Variants in MCM7 observed in about 807,000 individuals in gnomAD.
MCM7 encodes DNA replication licensing factor MCM7.
MCM7 carries 95 observed loss-of-function variants against 83.5 expected under a neutral mutation model. The ratio of observed to expected loss-of-function variants is 1.14; its 90% CI spans 0.96 to 1.35. MCM7 has a LOEUF of 1.35. Ranked by LOEUF, MCM7 falls within the 40% of genes most tolerant of loss-of-function variation. The pLI, the probability that MCM7 is intolerant of heterozygous loss-of-function variation, is 0.00. For synonymous variants in MCM7, 461 were observed against 352.7 expected (o/e 1.31, Z -3.44); for missense variants, 1,087 against 957.4 (o/e 1.14, Z -1.79).
In MCM7 at chr7:100,099,420, A is replaced by T; in HGVS notation, c.277-17T>A. The T allele has an allele frequency of 1.2e-6, 1 of 804,374 alleles. No homozygotes were observed. The highest frequency in any genetic ancestry group is 1.8e-6 in the Non-Finnish European group (1 of 549,404). The allele number at this position is 804,374 out of a possible 1,614,324, so 49.8% of individuals were successfully genotyped here. On this transcript the variant is annotated splice_polypyrimidine_tract_variant and intron_variant, in intron 3 of 14. Coordinates refer to ENST00000303887, the MANE Select transcript of MCM7 (RefSeq NM_005916.5). ...ATTTACCACCTAAAGGAGAAGAACA[A>T]AAAAAAAAAAAAAAAAGAGCAACAG...
chr7:100,097,831 C>T lies in MCM7; in HGVS notation c.985+3G>A. The T allele has an allele frequency of 6.2e-7, 1 of 1,614,178 alleles. No individual in the cohort carries two copies. Among genetic ancestry groups the T allele is most frequent in the Non-Finnish European group, 8.5e-7 (1 of 1,180,004 alleles). ...AATTTCCTCTCTCTCCCCTGCCCCT[C>T]ACCTGCAATTTGCCTCAGCTCCTCC... On this transcript the variant is annotated splice_donor_region_variant and intron_variant, in intron 8 of 14. Coordinates refer to ENST00000303887, the MANE Select transcript of MCM7 (RefSeq NM_005916.5).
chr7:100,096,478 C>G (rs142829147), intron 10 of MCM7, among the ~76,000 whole-genome samples: 35 of 152,284 alleles, frequency 2.3e-4, no homozygotes, highest in Non-Finnish European at 3.7e-4. Context: ...ATTTTTAAAA[C>G]TTTTTAGTAG....
At chr7:100,094,139 A>G (rs991815793) in intron 13 of MCM7, 34 bp downstream of exon 13, 9 of 1,613,898 alleles carry the variant, frequency 5.6e-6, no homozygotes, top group African/African-American at 1.3e-5. Context: ...TTAAGGGTCA[A>G]AACAGATGGC....
chr7:100,099,847 A>G, intron 2 of MCM7, 94 bp from the exon 3 acceptor site: 1 of 1,536,344 alleles, frequency 6.5e-7, no homozygotes, highest in South Asian at 1.2e-5. Context: ...AACTCAGCAC[A>G]GGCTCTGGGC....
chr7:100,093,268 T>C, intron 14 of MCM7, 24 bp downstream of exon 14: 1 of 1,608,094 alleles, frequency 6.2e-7, no homozygotes, highest in South Asian at 1.1e-5. Flanking sequence ...GTGACACAGC[T>C]TTGTCCTTCA....
rs760938229 is a variant in MCM7 at position 100,095,430 on chromosome 7, G to A, written c.1636C>T (p.Gln546Ter). The stretch of plus-strand genomic sequence containing the variant: ...AGAGGTTCAAACTGGGAGGGGGGCT[G>A]CCGGCTGTGCTGGTGCACATAGGTG... ...HITYVHQHSRQPPSQFEPLDM... is the reference protein window; with the variant it reads ...HITYVHQHSR The change falls in exon 12 of 15, where the codon CAG becomes TAG. Residue 546 changes from glutamine (Q) to a stop codon, truncating the protein, a stop_gained. Transcript: ENST00000303887. LOFTEE classifies it high-confidence loss of function. 5 of 1,614,070 alleles carry A rather than the reference G, an allele frequency of 3.1e-6. No homozygotes were observed. Among genetic ancestry groups the A allele is most frequent in the Non-Finnish European group, 4.2e-6 (5 of 1,180,006 alleles).
Position 100,092,832 on chromosome 7 carries a change from A to T in MCM7, c.*100T>A. The T allele has an allele frequency of 2.4e-6, 3 of 1,242,528 alleles. No homozygotes were observed. Among genetic ancestry groups the T allele is most frequent in the Non-Finnish European group, 3.5e-6 (3 of 856,368 alleles). The allele number at this position is 1,242,528 out of a possible 1,614,324, so 77.0% of individuals were successfully genotyped here. A position where few individuals can be genotyped will look rare whatever the true frequency, so the allele number is the denominator to read the frequency against. On this transcript the variant is annotated 3_prime_UTR_variant, in exon 15 of 15. Transcript: ENST00000303887. ...AAAAGGAGTAAGTGCAGCATGGGAG[A>T]AAGAGGGGCTCCTCCTTCCCCTCAA...
At chr7:100,098,341 C>T (rs368036446) in intron 6 of MCM7, 51 bp from the exon 7 acceptor site, 1 of 1,596,440 alleles carries the variant, frequency 6.3e-7, no homozygotes, top group Non-Finnish European at 8.6e-7. Flanking sequence ...AAGGACCCAA[C>T]CTTCCCTCCC....
chr7:100,098,549 C>T (rs755687295), intron 6 of MCM7, 29 bp downstream of exon 6: 3 of 1,612,896 alleles, frequency 1.9e-6, no homozygotes, highest in Non-Finnish European at 2.5e-6. Flanking sequence ...CCCGATCCAC[C>T]TGCCCAGGGC....
Position 100,099,879 on chromosome 7 carries a change from G to C in MCM7, c.112-126C>G, listed in dbSNP as rs376004895. On this transcript the variant is annotated intron_variant, in intron 2 of 14. Coordinates refer to ENST00000303887, the MANE Select transcript of MCM7 (RefSeq NM_005916.5). ...GGGCATCCACAGGGGAGAACGCAGC[G>C]CCACACAGAGCGATACTCGCTTTTC... 262 of 1,424,596 alleles carry C rather than the reference G, an allele frequency of 1.8e-4. 3 individuals are homozygous for C. In the South Asian group the frequency reaches 3.1e-3, roughly 17 times the overall value. The allele number at this position is 1,424,596 out of a possible 1,614,324, so 88.2% of individuals were successfully genotyped here. A position where few individuals can be genotyped will look rare whatever the true frequency, so the allele number is the denominator to read the frequency against.
At chr7:100,095,352 G>GCCAACGTTTGCCCACC (rs1562893926) in intron 12 of MCM7, 35 bp downstream of exon 12, 10 of 1,586,010 alleles carry the variant, frequency 6.3e-6, no homozygotes, top group Non-Finnish European at 8.6e-6. Context: ...CACGGCCCAC[G>GCCAACGTTTGCCCACC]CCAACGTTTG....
At chr7:100,093,817 AC>A (rs753843516) in intron 13 of MCM7, 1 of 622,176 alleles carries the variant, frequency 1.6e-6, no homozygotes, top group South Asian at 1.4e-5. Flanking sequence ...TAATCACACT[AC>A]CTGCACGAAC....
rs1227041273 is a variant in MCM7, at chr7:100,099,685, G to C, written c.180C>G (p.Pro60=). 1.9e-6 allele frequency: 3 copies of C among 1,614,088 alleles called. No homozygotes were observed. Among genetic ancestry groups the C allele is most frequent in the Non-Finnish European group, 2.5e-6 (3 of 1,180,046 alleles). ...VDLDDVAEDD[P]ELVDSICENA... ...TCTCACAAATTGAGTCCACCAACTC[G>C]GGGTCATCCTCGGCTACGTCGTCCA... Residue 60 remains proline, a synonymous_variant, in exon 3 of 15, where the codon CCC becomes CCG. Transcript: ENST00000303887.
chr7:100,101,177 G>A (rs1030399526), intron 1 of MCM7, 87 bp downstream of exon 1: 33 of 1,546,528 alleles, frequency 2.1e-5, no homozygotes, highest in Non-Finnish European at 2.7e-5. Context: ...CGCCGACCCC[G>A]GTCCCCCAAG....
rs572706117 is a variant in MCM7, at chr7:100,098,724, T to C, written c.583-9A>G. 1 of 1,613,970 alleles carries C rather than the reference T, an allele frequency of 6.2e-7. No individual in the cohort carries two copies. On this transcript the variant is annotated splice_polypyrimidine_tract_variant and intron_variant, in intron 5 of 14. Transcript: ENST00000303887. The stretch of plus-strand genomic sequence containing the variant: ...AAAGTGGGAGACTGGATCTAGGATG[T>C]GAGAACAGAAACACCAAAGGAACTC...
Position 100,097,669 on chromosome 7 carries a change from C to T in MCM7, c.1062G>A (p.Leu354=), listed in dbSNP as rs1795711982. Residue 354 remains leucine, a synonymous_variant, in exon 9 of 15, where the codon CTG becomes CTA. Coordinates refer to ENST00000303887, the MANE Select transcript of MCM7 (RefSeq NM_005916.5). ...IYGHEDVKKA[L]LLLLVGGVDQ... ...CCACACCCCCGACTAGCAGGAGCAG[C>T]AGTGCCTTCTTCACATCTTCATGCC... The T allele has an allele frequency of 1.2e-6, 2 of 1,614,222 alleles. No individual in the cohort carries two copies. The highest frequency in any genetic ancestry group is 1.3e-5 in the African/African-American group (1 of 75,058).
intron 10 of MCM7, 65 bp from the exon 11 acceptor site, chr7:100,096,232 A>C: frequency 1.4e-6 from 2 of 1,478,934 alleles, no homozygotes; most frequent in Non-Finnish European, 1.8e-6. Flanking sequence ...GCAAAAGACA[A>C]CAAACGGGCC....
chr7:100,095,822 T>C lies in MCM7; in HGVS notation c.1547A>G (p.Asp516Gly), dbSNP rs996364499. The C allele has an allele frequency of 1.2e-6, 2 of 1,605,078 alleles. No homozygotes were observed. Among genetic ancestry groups the C allele is most frequent in the Non-Finnish European group, 1.7e-6 (2 of 1,176,118 alleles). The change falls in exon 11 of 15, where the codon GAC (aspartate) becomes GGC (glycine). Residue 516 changes from aspartate to glycine, a missense_variant. Physicochemically the swap from Asp to Gly is moderately conservative, Grantham distance 94. Transcript: ENST00000303887. ...CCGGTCCTGAATCAGCCAGAGGAGG[T>C]CAAACCGGGAGAGCAGTGCAGCAGG... ...QLPAALLSRF[D>G]LLWLIQDRPD...
At chr7:100,099,492 C>T in intron 3 of MCM7, 89 bp from the exon 4 acceptor site, 2 of 1,583,588 alleles carry the variant, frequency 1.3e-6, no homozygotes. Flanking sequence ...AGTGCCCCTC[C>T]TTTCTGCCTG....
Sources: gnomAD v4.1 joint callset for allele counts (sites outside exome capture counted in the v4.1 genomes callset) on GRCh38, gnomAD v4.1.1 for gene constraint, MANE v1.5 for transcripts, NCBI Gene and HGNC (gene_info 2026-07-23, HGNC 2026-07-21) for gene names.